LRRC69: variants seen among roughly 807,000 people sequenced by gnomAD.
LRRC69 encodes leucine-rich repeat-containing protein 69.
LRRC69 carries 42 observed loss-of-function variants against 37.8 expected under a neutral mutation model. The ratio of observed to expected loss-of-function variants is 1.11; its 90% CI spans 0.87 to 1.44. The LOEUF is 1.44. LRRC69 is among the 40% of genes most tolerant of loss of function. The probability of loss-of-function intolerance (pLI) is 0.00; values close to 1 mark genes in which losing one functional copy is unlikely to be tolerated. For missense variants in LRRC69, 357 were observed against 401.9 expected (o/e 0.89, Z 0.96); for synonymous variants, 141 against 143.1 (o/e 0.99, Z 0.11).
At chr8:91,159,565 G>A (rs1357348135) in intron 5 of LRRC69, among the ~76,000 whole-genome samples, 1 of 151,028 alleles carries the variant, frequency 6.6e-6, no homozygotes, top group African/African-American at 2.4e-5. Flanking sequence ...AAGAGCAAGA[G>A]TACACATCAA....
chr8:91,162,435 G>A (rs1375611309), intron 5 of LRRC69, among the ~76,000 whole-genome samples: 1 of 151,436 alleles, frequency 6.6e-6, no homozygotes, highest in Non-Finnish European at 1.5e-5. Flanking sequence ...GGCTGTTCCA[G>A]TGTTGGGTGC....
chr8:91,136,890 C>T lies in LRRC69; in HGVS notation c.651+1151C>T, dbSNP rs1211100889. Among the ~76,000 whole-genome samples, 5 of 152,082 alleles carry T rather than the reference C, an allele frequency of 3.3e-5. No individual in the cohort carries two copies. The East Asian group carries it at 9.6e-4, about 29-fold the overall frequency. On this transcript the variant is annotated intron_variant, in intron 5 of 7. Coordinates refer to ENST00000448384, the Ensembl canonical transcript of LRRC69. ...TATCTTATACCATGTGTCAGAGTTT[C>T]TTTCCTTTTTAAGGCTGAATAATAT...
intron 5 of LRRC69, among the ~76,000 whole-genome samples, chr8:91,171,504 G>T (rs923361694): frequency 6.6e-6 from 1 of 151,906 alleles, no homozygotes; most frequent in Non-Finnish European, 1.5e-5. Context: ...TTACCTCATG[G>T]GCCAGATATG....
chr8:91,203,040 A>G (rs1809736984), intron 7 of LRRC69, among the ~76,000 whole-genome samples: 1 of 152,146 alleles, frequency 6.6e-6, no homozygotes, highest in African/African-American at 2.4e-5. Flanking sequence ...AAAATAGGGA[A>G]GACTAAGGGA....
At chr8:91,106,761 A>G (rs1372379317) in intron 1 of LRRC69, among the ~76,000 whole-genome samples, 2 of 151,854 alleles carry the variant, frequency 1.3e-5, no homozygotes, top group African/African-American at 4.8e-5. Context: ...TCTGAACACT[A>G]CATGCATTGT....
chr8:91,117,102 A>G (rs1354413574), intron 1 of LRRC69, among the ~76,000 whole-genome samples: 1 of 152,092 alleles, frequency 6.6e-6, no homozygotes, highest in African/African-American at 2.4e-5. Context: ...TATTTGGAGC[A>G]AGTATACAAA....
chr8:91,107,507 G>A (rs1813337863), intron 1 of LRRC69, among the ~76,000 whole-genome samples: 1 of 151,950 alleles, frequency 6.6e-6, no homozygotes, highest in Non-Finnish European at 1.5e-5. Flanking sequence ...GGATATAGAT[G>A]TGTACAAAGT....
chr8:91,113,972 C>CAAAAAAAAAAAAAAAAAAAAAAA (rs34806474), intron 1 of LRRC69, among the ~76,000 whole-genome samples: 1 of 60,488 alleles, frequency 1.7e-5, no homozygotes, highest in Non-Finnish European at 2.8e-5. Flanking sequence ...AGACTTGTCT[C>CAAAAAAAAAAAAAAAAAAAAAAA]AAAAAAAAAA....
chr8:91,160,678 A>G (rs1417933149), intron 5 of LRRC69, among the ~76,000 whole-genome samples: 1 of 151,216 alleles, frequency 6.6e-6, no homozygotes, highest in East Asian at 1.9e-4. Context: ...AAGTTTACTG[A>G]GGCCTCTCCA....
chr8:91,176,134 A>ATATATATTTTTTTTTTTTTTTTTTTT, intron 5 of LRRC69, among the ~76,000 whole-genome samples: 1 of 75,710 alleles, frequency 1.3e-5, no homozygotes, highest in Non-Finnish European at 2.4e-5. Flanking sequence ...ATATATATAT[A>ATATATATTTTTTTTTTTTTTTTTTTT]TTTTTTTTTT....
chr8:91,183,571 A>G (rs1809357297), intron 5 of LRRC69, among the ~76,000 whole-genome samples: 1 of 152,118 alleles, frequency 6.6e-6, no homozygotes, highest in Non-Finnish European at 1.5e-5. Flanking sequence ...GTGTGGAACC[A>G]GAGTCTTTGC....
chr8:91,173,058 T>G (rs1586264750), intron 5 of LRRC69, among the ~76,000 whole-genome samples: 1 of 152,082 alleles, frequency 6.6e-6, no homozygotes, highest in East Asian at 1.9e-4. Context: ...TGCCAGCTAC[T>G]CACGGCTCCA....
At chr8:91,124,287 T>C (rs987380079) in intron 1 of LRRC69, among the ~76,000 whole-genome samples, 1 of 152,018 alleles carries the variant, frequency 6.6e-6, no homozygotes, top group Non-Finnish European at 1.5e-5. Flanking sequence ...AAAATTAAAT[T>C]GTGCTTTAAT....
At chr8:91,207,889 A>T (rs904739610) in intron 7 of LRRC69, among the ~76,000 whole-genome samples, 1 of 152,204 alleles carries the variant, frequency 6.6e-6, no homozygotes, top group African/African-American at 2.4e-5. Context: ...CTTACACAAC[A>T]GGAATTGATT....
rs185777772 is a variant in LRRC69 at position 91,206,617 on chromosome 8, T to A, written c.933+5825T>A. Reference sequence around the variant, plus strand: ...TGAACACCTTAGACAAGTTGCCATGTTTAATTGTGCTCTGACAGATTCCCT... The same window carrying A: ...TGAACACCTTAGACAAGTTGCCATGATTAATTGTGCTCTGACAGATTCCCT... On this transcript the variant is annotated intron_variant, in intron 7 of 7. Coordinates refer to ENST00000448384, the Ensembl canonical transcript of LRRC69. 8.4e-4 allele frequency: 1,017 copies of A among 1,216,014 alleles called. 10 individuals are homozygous for A. In the African/African-American group the frequency reaches 0.015, roughly 18 times the overall value. The allele number at this position is 1,216,014 out of a possible 1,614,324, so 75.3% of individuals were successfully genotyped here.
chr8:91,183,085 G>T (rs546606198), intron 5 of LRRC69, among the ~76,000 whole-genome samples: 1 of 152,298 alleles, frequency 6.6e-6, no homozygotes, highest in East Asian at 1.9e-4. Flanking sequence ...TCAGAAAACT[G>T]GAAGAAATTC....
At position 91,186,120 on chromosome 8, in the gene LRRC69, G is replaced by A. The variant is rs1809403941; in HGVS notation, c.652-3402G>A. The stretch of plus-strand genomic sequence containing the variant: ...CCTTCGCAAATCTTGAGTGCGCAGG[G>A]AGAAGCGAATGTGTCTGGCGTTTCT... On this transcript the variant is annotated intron_variant, in intron 5 of 7. Transcript: ENST00000448384. Among the ~76,000 whole-genome samples, 4 of 152,162 alleles carry A rather than the reference G, an allele frequency of 2.6e-5. No homozygotes were observed. In the South Asian group the frequency reaches 8.3e-4, roughly 31 times the overall value.
chr8:91,103,926 C>A (rs57004380), intron 1 of LRRC69, among the ~76,000 whole-genome samples: 1,956 of 151,968 alleles, frequency 0.013, 42 homozygotes, highest in African/African-American at 0.045. Flanking sequence ...GTAGTACTAA[C>A]CATTGGTTAC....
At chr8:91,156,846 A>C (rs1278466581) in intron 5 of LRRC69, among the ~76,000 whole-genome samples, 2 of 150,988 alleles carry the variant, frequency 1.3e-5, no homozygotes, top group Admixed American at 6.6e-5. Context: ...ATGGATATTC[A>C]ATTTTCCCAG....
Sources: allele counts gnomAD v4.1 joint callset (sites outside exome capture counted in the v4.1 genomes callset), GRCh38; gene constraint gnomAD v4.1.1; transcripts MANE v1.5; gene names NCBI Gene and HGNC (gene_info 2026-07-23, HGNC 2026-07-21).